Variants in AGO2 observed in about 807,000 individuals in gnomAD.
AGO2 encodes argonaute RISC catalytic component 2.
Under a neutral mutation model 102.3 loss-of-function variants are expected in AGO2, and 5 were observed. That is an observed-to-expected ratio of 0.05 (90% confidence interval 0.03 to 0.10). AGO2 has a LOEUF of 0.10. Among genes scored for constraint, AGO2 ranks in the 10% least tolerant of loss-of-function variants. The pLI is 1.00. For synonymous variants in AGO2, 449 were observed against 473.1 expected (o/e 0.95, Z 0.66); for missense variants, 541 against 1,183.7 (o/e 0.46, Z 7.97).
intron 4 of AGO2, among the ~76,000 whole-genome samples, chr8:140,562,044 G>A (rs750999415): frequency 4.6e-5 from 7 of 152,176 alleles, no homozygotes; most frequent in Admixed American, 3.9e-4. Context: ...GAAAAAGGAC[G>A]TCCCCAACAG....
chr8:140,552,740 G>GCGCGCGCGCGCGCA (rs111262864), intron 10 of AGO2, among the ~76,000 whole-genome samples: 2 of 130,886 alleles, frequency 1.5e-5, no homozygotes, highest in African/African-American at 6.1e-5. Context: ...GCGCGCGCGC[G>GCGCGCGCGCGCGCA]CACACACACA....
chr8:140,550,469 C>T (rs948973278), intron 11 of AGO2, among the ~76,000 whole-genome samples: 1 of 152,218 alleles, frequency 6.6e-6, no homozygotes, highest in African/African-American at 2.4e-5. Flanking sequence ...GCAGGCCCTT[C>T]CACAGCACTT....
chr8:140,549,038 G>GTGCGGC, intron 12 of AGO2, 76 bp downstream of exon 12: 1 of 1,493,816 alleles, frequency 6.7e-7, no homozygotes, highest in Non-Finnish European at 8.9e-7. Flanking sequence ...CAGAAACACA[G>GTGCGGC]AGGGGCTTAG....
intron 1 of AGO2, among the ~76,000 whole-genome samples, chr8:140,617,616 G>A (rs2074157223): frequency 6.6e-6 from 1 of 152,198 alleles, no homozygotes; most frequent in Non-Finnish European, 1.5e-5. Flanking sequence ...TCACGCAGCT[G>A]GTAGGTGGAG....
intron 1 of AGO2, among the ~76,000 whole-genome samples, chr8:140,611,251 C>T (rs940449601): frequency 6.6e-6 from 1 of 152,136 alleles, no homozygotes; most frequent in African/African-American, 2.4e-5. Context: ...AGCACGGGGA[C>T]GAAGCCAGCC....
In AGO2 at chr8:140,557,239, G is replaced by A; in HGVS notation, c.879-3C>T. The A allele has an allele frequency of 6.2e-7, 1 of 1,612,198 alleles. No homozygotes were observed. The highest frequency in any genetic ancestry group is 8.5e-7 in the Non-Finnish European group (1 of 1,178,944). On this transcript the variant is annotated splice_polypyrimidine_tract_variant and splice_region_variant and intron_variant, in intron 7 of 18. Transcript: ENST00000220592. The surrounding 1 kb of genome is among the most constrained non-coding windows in gnomAD (Gnocchi z 5.9). ...CGCTCTCCTGCTGCAGCGGGAATCT[G>A]AGGAGCAAAGGGGCTGTTCAGGCCG...
At chr8:140,584,642 T>TA (rs2073620971) in intron 2 of AGO2, among the ~76,000 whole-genome samples, 1 of 152,096 alleles carries the variant, frequency 6.6e-6, no homozygotes, top group South Asian at 2.1e-4. Flanking sequence ...TATTTAGCAA[T>TA]AAAAATAAGC....
rs372636055 is a variant in AGO2 at position 140,634,704 on chromosome 8, A to G, written c.22+781T>C. 5.9e-5 allele frequency among the ~76,000 whole-genome samples: 9 copies of G among 152,344 alleles called. No individual in the cohort carries two copies. In the East Asian group the frequency reaches 1.5e-3, roughly 26 times the overall value. On this transcript the variant is annotated intron_variant, in intron 1 of 18. Transcript: ENST00000220592. ...GAATCCACCTCGCCTCACCTCTCCT[A>G]GGAAATTGTAAAAGGAATTAGCACT...
At chr8:140,631,585 T>C (rs916506433) in intron 1 of AGO2, among the ~76,000 whole-genome samples, 4 of 150,064 alleles carry the variant, frequency 2.7e-5, no homozygotes, top group African/African-American at 9.8e-5. Flanking sequence ...ACAAGTCAAA[T>C]GCAGGGAGAA....
chr8:140,633,472 C>A (rs1317374279), intron 1 of AGO2, among the ~76,000 whole-genome samples: 1 of 152,174 alleles, frequency 6.6e-6, no homozygotes, highest in Admixed American at 6.5e-5. Flanking sequence ...CACACCAAGG[C>A]AACAATCTCC....
Position 140,557,242 on chromosome 8 carries a change from G to C in AGO2, c.879-6C>G, listed in dbSNP as rs200792589. 1.2e-6 allele frequency: 2 copies of C among 1,611,772 alleles called. No homozygotes were observed. The highest frequency in any genetic ancestry group is 1.7e-6 in the Non-Finnish European group (2 of 1,178,708). On this transcript the variant is annotated splice_polypyrimidine_tract_variant and splice_region_variant and intron_variant, in intron 7 of 18. Coordinates refer to ENST00000220592, the MANE Select transcript of AGO2 (RefSeq NM_012154.5). The surrounding 1 kb of genome is among the most constrained non-coding windows in gnomAD (Gnocchi z 5.9). The stretch of plus-strand genomic sequence containing the variant: ...TCTCCTGCTGCAGCGGGAATCTGAG[G>C]AGCAAAGGGGCTGTTCAGGCCGAGG...
In AGO2 at chr8:140,520,530, ACAAT is replaced by A. The variant is rs1482623770; in HGVS notation, c.*11510_*11513del. The A allele has an allele frequency of 6.6e-6, 1 of 152,208 alleles. No homozygotes were observed. Among genetic ancestry groups the A allele is most frequent in the African/African-American group, 2.4e-5 (1 of 41,454 alleles). The allele number at this position is 152,208 out of a possible 1,614,324, so 9.4% of individuals were successfully genotyped here. On this transcript the variant is annotated 3_prime_UTR_variant, in exon 19 of 19. Coordinates refer to ENST00000220592, the MANE Select transcript of AGO2 (RefSeq NM_012154.5). Reference sequence around the variant, plus strand: ...AGCTTTCTTCACCAGTTTTATCTTGACAATCAAGACCACTCCCCATCTGTTCAGT... The same window carrying A: ...AGCTTTCTTCACCAGTTTTATCTTGACAAGACCACTCCCCATCTGTTCAGT...
intron 14 of AGO2, among the ~76,000 whole-genome samples, chr8:140,543,485 T>C (rs2072838334): frequency 6.6e-6 from 1 of 152,212 alleles, no homozygotes; most frequent in African/African-American, 2.4e-5. Context: ...AGAGAAAATC[T>C]CACTTTGTTG....
intron 2 of AGO2, among the ~76,000 whole-genome samples, chr8:140,580,029 C>CTCCTCCTCGCAGCCCACA (rs370061897): frequency 6.6e-6 from 1 of 152,266 alleles, no homozygotes; most frequent in South Asian, 2.1e-4. Flanking sequence ...CGCAGCCCAC[C>CTCCTCCTCGCAGCCCACA]CGTGCTTCTC....
rs1034281908 is a variant in AGO2 at position 140,557,837 on chromosome 8, C to A, written c.879-601G>T. ...GACCCCTTCCCCCAATCCAGACTGC[C>A]GGGCCATCTGCAGCCTCTGCCAGGC... On this transcript the variant is annotated intron_variant, in intron 7 of 18. Transcript: ENST00000220592. The surrounding 1 kb of genome is among the most constrained non-coding windows in gnomAD (Gnocchi z 5.9). 6.6e-6 allele frequency among the ~76,000 whole-genome samples: 1 copy of A among 152,210 alleles called. No individual in the cohort carries two copies. The highest frequency in any genetic ancestry group is 2.4e-5 in the African/African-American group (1 of 41,454).
chr8:140,532,645 G>A, intron 17 of AGO2, 30 bp from the exon 18 acceptor site: 3 of 1,602,222 alleles, frequency 1.9e-6, no homozygotes, highest in Non-Finnish European at 2.6e-6. Flanking sequence ...TAGACAGTTG[G>A]ACTCGCATAA....
chr8:140,535,426 C>G, intron 17 of AGO2, 42 bp downstream of exon 17: 1 of 1,595,740 alleles, frequency 6.3e-7, no homozygotes, highest in South Asian at 1.1e-5. Flanking sequence ...GATGACACGG[C>G]AGACGGCCAA....
chr8:140,634,452 A>AG (rs1563663845), intron 1 of AGO2, among the ~76,000 whole-genome samples: 1 of 152,204 alleles, frequency 6.6e-6, no homozygotes, highest in African/African-American at 2.4e-5. Context: ...CAGCGGACAA[A>AG]GGGGAGCAGG....
chr8:140,544,894 G>A (rs562422189), intron 13 of AGO2, among the ~76,000 whole-genome samples: 37 of 152,310 alleles, frequency 2.4e-4, no homozygotes, highest in Non-Finnish European at 3.2e-4. Flanking sequence ...GAGGCAGCAC[G>A]CACAGGGGCA....
Sources: allele counts gnomAD v4.1 joint callset (sites outside exome capture counted in the v4.1 genomes callset), GRCh38; gene constraint gnomAD v4.1.1; non-coding constraint Gnocchi (gnomAD v3.1); transcripts MANE v1.5; gene names NCBI Gene and HGNC (gene_info 2026-07-23, HGNC 2026-07-21).